TSPEAR: variants seen among roughly 807,000 people sequenced by gnomAD.
The protein encoded by TSPEAR is thrombospondin-type laminin G domain and EAR repeat-containing protein.
Under a neutral mutation model 71.6 loss-of-function variants are expected in TSPEAR, and 69 were observed. That is an observed-to-expected ratio of 0.96 (90% CI 0.79 to 1.18). TSPEAR has a LOEUF of 1.18. Among genes scored for constraint, TSPEAR ranks in the 50% most tolerant of loss-of-function variants. The pLI is 0.00. For synonymous variants in TSPEAR, 402 were observed against 387.2 expected, an observed-to-expected ratio of 1.04 and a Z score of -0.45; for missense variants, 971 against 894.9, an observed-to-expected ratio of 1.09 and a Z score of -1.09.
intron 2 of TSPEAR, among the ~76,000 whole-genome samples, chr21:44,555,888 C>A (rs1190531039): frequency 1.3e-5 from 2 of 152,166 alleles, no homozygotes; most frequent in African/African-American, 4.8e-5. Flanking sequence ...GTCCTGGAAG[C>A]CTGTGACACT....
In TSPEAR at chr21:44,653,156, C is replaced by CA. The variant is rs782644887; in HGVS notation, c.82+58276dup. 5.0e-4 allele frequency among the ~76,000 whole-genome samples: 75 copies of CA among 150,566 alleles called. 1 individual carries two copies. The South Asian group carries it at 8.0e-3, about 16-fold the overall frequency. On this transcript the variant is annotated intron_variant, in intron 1 of 11. Coordinates refer to ENST00000323084, the MANE Select transcript of TSPEAR (RefSeq NM_144991.3). ...CTGGTGACAGAGCGAGACTCCATCT[C>CA]AAAAAAAAAGAAAGATAAATGATGC...
At chr21:44,528,654 GC>G in intron 5 of TSPEAR, 71 bp from the exon 6 acceptor site, 1 of 1,577,642 alleles carries the variant, frequency 6.3e-7, no homozygotes, top group South Asian at 1.2e-5. Context: ...ACAGGAAGAG[GC>G]CCCCAAACCA....
At chr21:44,503,429 C>CG (rs34578484) in intron 11 of TSPEAR, among the ~76,000 whole-genome samples, 1 of 118,830 alleles carries the variant, frequency 8.4e-6, no homozygotes, top group Non-Finnish European at 1.7e-5. Flanking sequence ...GGTGAGCCCT[C>CG]GGGGGGAAGC....
chr21:44,596,027 C>A (rs1980345372), intron 1 of TSPEAR, among the ~76,000 whole-genome samples: 1 of 152,134 alleles, frequency 6.6e-6, no homozygotes, highest in South Asian at 2.1e-4. Context: ...GGAGTCCAGG[C>A]ACAGTTAAAT....
intron 1 of TSPEAR, chr21:44,601,619 C>T (rs1555928857): frequency 6.2e-7 from 1 of 1,613,684 alleles, no homozygotes; most frequent in African/African-American, 1.3e-5. Flanking sequence ...GCCCCCACCT[C>T]CTCCTGCCAG....
chr21:44,576,704 T>G (rs1978479426), intron 1 of TSPEAR, among the ~76,000 whole-genome samples: 1 of 152,218 alleles, frequency 6.6e-6, no homozygotes, highest in African/African-American at 2.4e-5. Context: ...AGGTCCTTTG[T>G]GTCTTTACCA....
intron 1 of TSPEAR, among the ~76,000 whole-genome samples, chr21:44,573,438 G>T (rs587625769): frequency 6.6e-6 from 1 of 152,182 alleles, no homozygotes; most frequent in East Asian, 1.9e-4. Flanking sequence ...CTCCACGTGC[G>T]CCTGGGGAGC....
At chr21:44,646,465 G>C (rs150246805) in intron 1 of TSPEAR, 5 of 1,606,906 alleles carry the variant, frequency 3.1e-6, no homozygotes, top group Non-Finnish European at 3.4e-6. Flanking sequence ...CAGCATGGCC[G>C]CGTCCACCAT....
rs149501051 is a variant in TSPEAR at position 44,680,812 on chromosome 21, T to G, written c.82+30621A>C. On this transcript the variant is annotated intron_variant, in intron 1 of 11. Coordinates refer to ENST00000323084, the MANE Select transcript of TSPEAR (RefSeq NM_144991.3). The stretch of plus-strand genomic sequence containing the variant: ...CACTCACATGTGGGAGTTCACAAAG[T>G]TGATCTCATGGAAGTAGAGAGTAGA... Among the ~76,000 whole-genome samples the G allele has an allele frequency of 3.8e-3, 585 of 152,326 alleles. 1 individual carries two copies. The highest frequency in any genetic ancestry group is 0.013 in the African/African-American group (539 of 41,562).
At chr21:44,651,962 C>A (rs1367086884) in intron 1 of TSPEAR, among the ~76,000 whole-genome samples, 2 of 150,536 alleles carry the variant, frequency 1.3e-5, no homozygotes, top group Non-Finnish European at 3.0e-5. Context: ...CTCAGTAAGA[C>A]TTCTGAATAA....
intron 1 of TSPEAR, among the ~76,000 whole-genome samples, chr21:44,579,024 G>T (rs1978671112): frequency 6.6e-6 from 1 of 152,200 alleles, no homozygotes; most frequent in Non-Finnish European, 1.5e-5. Context: ...CGCAGGTGCA[G>T]CAGCCCCTCC....
intron 1 of TSPEAR, among the ~76,000 whole-genome samples, chr21:44,622,498 AG>A (rs1555933657): frequency 6.6e-6 from 1 of 152,224 alleles, no homozygotes; most frequent in African/African-American, 2.4e-5. Context: ...AGATATCCAC[AG>A]GGCCATGCTT....
intron 1 of TSPEAR, among the ~76,000 whole-genome samples, chr21:44,585,710 A>G (rs587739638): frequency 1.3e-5 from 2 of 152,256 alleles, no homozygotes; most frequent in East Asian, 3.9e-4. Context: ...CAGGAATCCA[A>G]GGTGTTTTCC....
At chr21:44,516,560 C>T (rs2052578594) in intron 9 of TSPEAR, 1 of 152,264 alleles carries the variant, frequency 6.6e-6, no homozygotes, top group East Asian at 1.9e-4. Context: ...ACACCCGCGC[C>T]CAGGGTGGGT....
intron 2 of TSPEAR, among the ~76,000 whole-genome samples, chr21:44,548,943 G>C (rs1236014305): frequency 6.6e-6 from 1 of 152,250 alleles, no homozygotes. Flanking sequence ...ACTCAGAGTC[G>C]TAAGGAAAAC....
intron 1 of TSPEAR, among the ~76,000 whole-genome samples, chr21:44,698,878 C>A (rs1398434995): frequency 4.6e-5 from 7 of 152,264 alleles, no homozygotes; most frequent in African/African-American, 1.7e-4. Flanking sequence ...AAGCTCCAGC[C>A]GGGGCAACAG....
At chr21:44,637,380 C>G in intron 1 of TSPEAR, 1 of 1,582,008 alleles carries the variant, frequency 6.3e-7, no homozygotes, top group African/African-American at 1.3e-5. Flanking sequence ...CTCACTCACT[C>G]ACACACCTCC....
chr21:44,710,278 G>A lies in TSPEAR; in HGVS notation c.82+1155C>T, dbSNP rs1205179834. ...CCCTGCGGGCAGGTGCAGCTGTGCG[G>A]GAGCTTCAGTCCTGTCCCCAACACC... On this transcript the variant is annotated intron_variant, in intron 1 of 11. Transcript: ENST00000323084. This position sits in a 1 kb window ranked among gnomAD's most constrained non-coding sequence, Gnocchi z 4.6. Among the ~76,000 whole-genome samples, 3 of 152,224 alleles carry A rather than the reference G, an allele frequency of 2.0e-5. No individual in the cohort carries two copies. Among genetic ancestry groups the A allele is most frequent in the Non-Finnish European group, 4.4e-5 (3 of 68,040 alleles).
chr21:44,579,294 T>C (rs1158630969), intron 1 of TSPEAR, among the ~76,000 whole-genome samples: 3 of 152,154 alleles, frequency 2.0e-5, no homozygotes, highest in Non-Finnish European at 4.4e-5. Flanking sequence ...TGAGCCTTCC[T>C]GGGCGTGGCT....
Sources: gnomAD v4.1 joint callset for allele counts (sites outside exome capture counted in the v4.1 genomes callset) on GRCh38, gnomAD v4.1.1 for gene constraint, Gnocchi (gnomAD v3.1) non-coding constraint, MANE v1.5 for transcripts, NCBI Gene and HGNC (gene_info 2026-07-23, HGNC 2026-07-21) for gene names.